Variants in NRIP1 observed in about 807,000 individuals in gnomAD.
The protein encoded by NRIP1 is nuclear receptor interacting protein 1.
NRIP1 carries 28 observed loss-of-function variants against 75.0 expected under a neutral mutation model. That is an observed-to-expected ratio of 0.37 (90% CI 0.28 to 0.51). The LOEUF (loss-of-function observed/expected upper bound fraction) is 0.51. Among genes scored for constraint, NRIP1 ranks in the 20% least tolerant of loss-of-function variants. NRIP1 has a pLI of 0.92. For missense variants in NRIP1, 1,435 were observed against 1,343.7 expected, an observed-to-expected ratio of 1.07 and a Z score of -1.06; for synonymous variants, 526 against 487.6, an observed-to-expected ratio of 1.08 and a Z score of -1.04.
chr21:15,015,857 A>C (rs1200300215), intron 2 of NRIP1, among the ~76,000 whole-genome samples: 1 of 152,152 alleles, frequency 6.6e-6, no homozygotes, highest in Non-Finnish European at 1.5e-5. Context: ...AAATACATAC[A>C]TATTATTTTT....
At chr21:15,035,682 G>A (rs1289599498) in intron 2 of NRIP1, among the ~76,000 whole-genome samples, 1 of 151,134 alleles carries the variant, frequency 6.6e-6, no homozygotes, top group Admixed American at 6.6e-5. Flanking sequence ...TCAGCCTCCT[G>A]AGTAGCTGGG....
At chr21:14,997,023 C>T (rs1466499880) in intron 3 of NRIP1, among the ~76,000 whole-genome samples, 1 of 152,042 alleles carries the variant, frequency 6.6e-6, no homozygotes, top group Non-Finnish European at 1.5e-5. Context: ...TAAGGCATTT[C>T]GGATATTTCT....
chr21:14,998,617 T>C (rs745768762), intron 3 of NRIP1, among the ~76,000 whole-genome samples: 3 of 152,224 alleles, frequency 2.0e-5, no homozygotes, highest in Admixed American at 6.5e-5. Context: ...TTTTCTTCCA[T>C]TTCTGCCAAT....
chr21:15,029,402 T>G (rs551912003), intron 2 of NRIP1, among the ~76,000 whole-genome samples: 1 of 152,022 alleles, frequency 6.6e-6, no homozygotes, highest in Non-Finnish European at 1.5e-5. Context: ...ACCCTCCGAG[T>G]AAGGCCTTCC....
intron 1 of NRIP1, among the ~76,000 whole-genome samples, chr21:15,059,282 T>A (rs2089373807): frequency 6.6e-6 from 1 of 152,180 alleles, no homozygotes; most frequent in African/African-American, 2.4e-5. Flanking sequence ...TTTCCATCCT[T>A]AAAGATATTT....
chr21:15,034,863 A>G (rs1173637033), intron 2 of NRIP1, among the ~76,000 whole-genome samples: 2 of 152,234 alleles, frequency 1.3e-5, no homozygotes, highest in Non-Finnish European at 2.9e-5. Flanking sequence ...GTGATTAAGT[A>G]AAACAGTGAT....
intron 1 of NRIP1, among the ~76,000 whole-genome samples, chr21:15,055,348 T>C (rs2089284151): frequency 6.6e-6 from 1 of 152,232 alleles, no homozygotes; most frequent in South Asian, 2.1e-4. Flanking sequence ...GTCTCCCTAC[T>C]TCTTTTTAAA....
At position 14,961,587 on chromosome 21, in the gene NRIP1, C is replaced by A. The variant is rs1231938101; in HGVS notation, c.*3129G>T. On this transcript the variant is annotated 3_prime_UTR_variant, in exon 4 of 4. Transcript: ENST00000318948. ...TGACGATTAAAAAAATTCTTTAAGA[C>A]CCTTCGAATCAAAGCACATTCTTTC... 6.6e-6 allele frequency: 1 copy of A among 152,314 alleles called. No individual in the cohort carries two copies. The highest frequency in any genetic ancestry group is 1.9e-4 in the East Asian group (1 of 5,176). 9.4% of individuals were successfully genotyped at this position (152,314 alleles called of 1,614,324 possible).
chr21:14,987,982 G>A (rs1019315379), intron 3 of NRIP1: 4 of 152,084 alleles, frequency 2.6e-5, no homozygotes, highest in Non-Finnish European at 4.4e-5. Flanking sequence ...AAAACTTTTC[G>A]TAAAGCAAAA....
At chr21:15,039,821 TTTTAG>T (rs1277269583) in intron 2 of NRIP1, among the ~76,000 whole-genome samples, 1 of 152,118 alleles carries the variant, frequency 6.6e-6, no homozygotes, top group Non-Finnish European at 1.5e-5. Flanking sequence ...GATTTTGATT[TTTTAG>T]TTTAAAGATA....
intron 3 of NRIP1, among the ~76,000 whole-genome samples, chr21:14,998,981 C>T (rs1291110417): frequency 1.3e-5 from 2 of 152,080 alleles, no homozygotes; most frequent in Admixed American, 1.3e-4. Flanking sequence ...ACTGTATTCA[C>T]AAGTTTATTC....
Position 14,964,869 on chromosome 21 carries a change from T to C in NRIP1, c.3324A>G (p.Leu1108=), listed in dbSNP as rs1014327124. ...AAGCTTTCGTTTCTGCAGTAGGAAG[T>C]AACTCTTCTTTGGCTGTGACCTGTG... ...SVSQVTAKEE[L]LPTAETKASF... is the part of the protein sequence containing the mutation. The change falls in exon 4 of 4, where the codon TTA becomes TTG. Residue 1108 remains leucine (L), a synonymous_variant. Coordinates refer to ENST00000318948, the MANE Select transcript of NRIP1 (RefSeq NM_003489.4). The C allele has an allele frequency of 1.9e-6, 3 of 1,613,334 alleles. No homozygotes were observed. The highest frequency in any genetic ancestry group is 1.3e-5 in the African/African-American group (1 of 74,836).
At chr21:15,024,791 T>C (rs2088477916) in intron 2 of NRIP1, among the ~76,000 whole-genome samples, 1 of 152,146 alleles carries the variant, frequency 6.6e-6, no homozygotes, top group South Asian at 2.1e-4. Flanking sequence ...TGTGTTATTT[T>C]AAAATTTTAA....
At chr21:15,047,568 T>TA (rs1224829116) in intron 1 of NRIP1, among the ~76,000 whole-genome samples, 1 of 151,854 alleles carries the variant, frequency 6.6e-6, no homozygotes, top group Non-Finnish European at 1.5e-5. Flanking sequence ...AAAATTAAAT[T>TA]AAAAAACCAT....
chr21:14,966,374 C>G lies in NRIP1; in HGVS notation c.1819G>C (p.Asp607His), dbSNP rs769514652. The change falls in exon 4 of 4, where the codon GAC becomes CAC. Residue 607 changes from aspartate to histidine, a missense_variant. Transcript: ENST00000318948. ...NHSMDLTKSK[D>H]PPGEKPAQNE... Reference sequence around the variant, plus strand: ...TGGGCTGGTTTCTCTCCTGGTGGGTCTTTGCTTTTTGTAAGGTCCATTGAG... The same window carrying G: ...TGGGCTGGTTTCTCTCCTGGTGGGTGTTTGCTTTTTGTAAGGTCCATTGAG... 3 of 1,613,920 alleles carry G rather than the reference C, an allele frequency of 1.9e-6. No individual in the cohort carries two copies. The highest frequency in any genetic ancestry group is 2.2e-5 in the East Asian group (1 of 44,862).
At chr21:15,054,196 C>T (rs1477201124) in intron 1 of NRIP1, among the ~76,000 whole-genome samples, 1 of 152,150 alleles carries the variant, frequency 6.6e-6, no homozygotes, top group Non-Finnish European at 1.5e-5. Flanking sequence ...ACCCTCTTAA[C>T]TTTTAAGGTT....
At chr21:14,997,885 AT>A (rs1473583105) in intron 3 of NRIP1, among the ~76,000 whole-genome samples, 1 of 152,062 alleles carries the variant, frequency 6.6e-6, no homozygotes, top group African/African-American at 2.4e-5. Context: ...AGGTGAAATA[AT>A]TTGCTTGCAC....
At chr21:15,016,976 GAGAA>G (rs531887820) in intron 2 of NRIP1, among the ~76,000 whole-genome samples, 197 of 150,832 alleles carry the variant, frequency 1.3e-3, no homozygotes, top group African/African-American at 4.6e-3. Context: ...AGAAAGAAAA[GAGAA>G]AGAAAGAAAA....
chr21:14,969,561 G>T (rs2086849644), intron 3 of NRIP1, among the ~76,000 whole-genome samples: 1 of 152,134 alleles, frequency 6.6e-6, no homozygotes, highest in Non-Finnish European at 1.5e-5. Flanking sequence ...TAAGGAAGGG[G>T]GGCCATGACA....
Sources: allele counts gnomAD v4.1 joint callset (sites outside exome capture counted in the v4.1 genomes callset), GRCh38; gene constraint gnomAD v4.1.1; transcripts MANE v1.5; gene names NCBI Gene and HGNC (gene_info 2026-07-23, HGNC 2026-07-21).